The following ADGRA3 variants were observed in gnomAD, a reference collection of about 807,000 sequenced individuals.
The protein encoded by ADGRA3 is adhesion G protein-coupled receptor A3.
In ADGRA3, 56 loss-of-function variants were observed where a neutral mutation model predicts 119.8. That is an observed-to-expected ratio of 0.47 (90% CI 0.38 to 0.58). The LOEUF (loss-of-function observed/expected upper bound fraction) is 0.58. ADGRA3 is among the 20% of genes least tolerant of loss of function. The pLI is 0.00. For synonymous variants in ADGRA3, 607 were observed against 623.8 expected (o/e 0.97, Z 0.40); for missense variants, 1,516 against 1,649.0 (o/e 0.92, Z 1.40).
intron 14 of ADGRA3, among the ~76,000 whole-genome samples, chr4:22,408,422 A>G (rs1373731651): frequency 3.9e-5 from 6 of 152,156 alleles, no homozygotes; most frequent in Admixed American, 3.3e-4. Flanking sequence ...TTCAGTACCC[A>G]TATTAAGAAG....
intron 4 of ADGRA3, 44 bp from the exon 5 acceptor site, chr4:22,447,555 T>C (rs1189861483): frequency 2.7e-6 from 3 of 1,110,298 alleles, no homozygotes; most frequent in Admixed American, 4.4e-5. Flanking sequence ...TACAATTATC[T>C]ATCATTTTAT....
At chr4:22,398,603 A>C (rs1358896119) in intron 16 of ADGRA3, among the ~76,000 whole-genome samples, 1 of 151,832 alleles carries the variant, frequency 6.6e-6, no homozygotes, top group African/African-American at 2.4e-5. Flanking sequence ...ATTTTTTGTT[A>C]AAGTGGGCTG....
chr4:22,413,226 T>C lies in ADGRA3; in HGVS notation c.2188A>G (p.Thr730Ala). Reference protein sequence around the residue: ...CHILYSDENITTIQCYSLSNY... With the variant: ...CHILYSDENIATIQCYSLSNY... ...CTAAGGGAGTAGCACTGAATCGTAGTGATATTTTCATCTGAATAGAGTATA... is the reference window on the plus strand; with the variant it reads ...CTAAGGGAGTAGCACTGAATCGTAGCGATATTTTCATCTGAATAGAGTATA... The change falls in exon 14 of 19, where the codon ACT becomes GCT. Residue 730 changes from threonine to alanine, a missense_variant. By Grantham distance (58) the Thr-to-Ala change is moderately conservative. Around this residue, in one of 2 missense-constraint regions of ADGRA3, gnomAD observed 1,088 missense variants for 1,107.1 expected, o/e 0.98. Coordinates refer to ENST00000334304, the MANE Select transcript of ADGRA3 (RefSeq NM_145290.4). 1.2e-6 allele frequency: 2 copies of C among 1,614,074 alleles called. No homozygotes were observed. Among genetic ancestry groups the C allele is most frequent in the East Asian group, 2.2e-5 (1 of 44,884 alleles).
At chr4:22,396,413 C>G (rs2108999484) in intron 16 of ADGRA3, among the ~76,000 whole-genome samples, 1 of 152,312 alleles carries the variant, frequency 6.6e-6, no homozygotes, top group Admixed American at 6.5e-5. Context: ...AACATGTACA[C>G]ATGAGGGCTC....
intron 1 of ADGRA3, among the ~76,000 whole-genome samples, chr4:22,510,009 CAAAA>C (rs545010218): frequency 3.0e-5 from 3 of 98,910 alleles, no homozygotes; most frequent in East Asian, 3.0e-4. Flanking sequence ...GACTCCGTCT[CAAAA>C]AAAAAAAAAA....
intron 16 of ADGRA3, chr4:22,398,131 G>T (rs1714445280): frequency 9.1e-6 from 9 of 984,908 alleles, no homozygotes; most frequent in Non-Finnish European, 1.1e-5. Context: ...CAGATGTGTA[G>T]TAACAGCCTA....
At chr4:22,455,662 A>G in intron 3 of ADGRA3, 1 of 279,664 alleles carries the variant, frequency 3.6e-6, no homozygotes, top group Non-Finnish European at 6.7e-6. Flanking sequence ...TTTAGTTAAT[A>G]TTTTGTTCTA....
At chr4:22,401,368 G>A in intron 16 of ADGRA3, 63 bp downstream of exon 16, 4 of 1,421,366 alleles carry the variant, frequency 2.8e-6, no homozygotes, top group Non-Finnish European at 3.8e-6. Flanking sequence ...TCTTTTTATA[G>A]TTAATGAAAT....
At chr4:22,393,505 A>G (rs1714223694) in intron 16 of ADGRA3, 1 of 152,182 alleles carries the variant, frequency 6.6e-6, no homozygotes, top group African/African-American at 2.4e-5. Context: ...TTGATGGTTA[A>G]GAGGGTGAAC....
At chr4:22,394,869 T>C (rs562291181) in intron 16 of ADGRA3, 1 of 152,296 alleles carries the variant, frequency 6.6e-6, no homozygotes, top group South Asian at 2.1e-4. Context: ...TATGATGACA[T>C]CTGCTAACAC....
rs1407221276 is a variant in ADGRA3, at chr4:22,436,597, G to A, written c.1130C>T (p.Thr377Met). 13 of 1,613,896 alleles carry A rather than the reference G, an allele frequency of 8.1e-6. No homozygotes were observed. The highest frequency in any genetic ancestry group is 2.7e-5 in the African/African-American group (2 of 74,888). The change falls in exon 9 of 19, where the codon ACG becomes ATG. Residue 377 changes from threonine (T) to methionine (M), a missense_variant. By Grantham distance (81) the Thr-to-Met change is moderately conservative. Coordinates refer to ENST00000334304, the MANE Select transcript of ADGRA3 (RefSeq NM_145290.4). Reference protein sequence around the residue: ...LAGITAYLQCTRNTHGSGIYP... With the variant: ...LAGITAYLQCMRNTHGSGIYP... ...TATCCCACTGCCATGGGTGTTCCGCGTACACTGCAGATATGCAGTAATGCC... is the reference window on the plus strand; with the variant it reads ...TATCCCACTGCCATGGGTGTTCCGCATACACTGCAGATATGCAGTAATGCC...
chr4:22,404,470 G>A (rs544111684), intron 14 of ADGRA3, among the ~76,000 whole-genome samples: 26 of 152,290 alleles, frequency 1.7e-4, no homozygotes, highest in African/African-American at 5.8e-4. Flanking sequence ...GGGAAGCAGA[G>A]ATGAGAACAG....
intron 1 of ADGRA3, among the ~76,000 whole-genome samples, chr4:22,480,019 G>A (rs56235800): frequency 0.19 from 28,152 of 152,086 alleles, 2,859 homozygotes; most frequent in East Asian, 0.26. Flanking sequence ...AGAGGAGGGA[G>A]AGCATTAGGA....
intron 4 of ADGRA3, among the ~76,000 whole-genome samples, chr4:22,450,227 C>G (rs976786551): frequency 6.6e-6 from 1 of 150,998 alleles, no homozygotes; most frequent in East Asian, 1.9e-4. Context: ...TAGAATGGAG[C>G]AGCAGGTAAG....
intron 14 of ADGRA3, among the ~76,000 whole-genome samples, chr4:22,407,239 C>T (rs771680033): frequency 9.9e-5 from 15 of 152,108 alleles, no homozygotes; most frequent in Non-Finnish European, 1.9e-4. Flanking sequence ...CCACTGCCCT[C>T]CAGCCTGGGC....
At chr4:22,501,193 G>A (rs1719037217) in intron 1 of ADGRA3, among the ~76,000 whole-genome samples, 1 of 152,108 alleles carries the variant, frequency 6.6e-6, no homozygotes, top group African/African-American at 2.4e-5. Flanking sequence ...TAGCCTATGG[G>A]TTCTGTTTCT....
At chr4:22,505,203 C>T (rs912514479) in intron 1 of ADGRA3, among the ~76,000 whole-genome samples, 2 of 152,104 alleles carry the variant, frequency 1.3e-5, no homozygotes, top group African/African-American at 2.4e-5. Flanking sequence ...AAGTCTAAGA[C>T]ATTCTAGGTG....
intron 7 of ADGRA3, 102 bp from the exon 8 acceptor site, chr4:22,438,522 T>C (rs1222084967): frequency 2.4e-6 from 2 of 844,518 alleles, no homozygotes; most frequent in Admixed American, 2.7e-5. Context: ...TTTGAATGCA[T>C]ATTGTGGGGT....
intron 12 of ADGRA3, chr4:22,414,370 A>T (rs1015019998): frequency 5.6e-5 from 22 of 395,672 alleles, no homozygotes; most frequent in Admixed American, 4.6e-4. Flanking sequence ...TAGAAAAAAA[A>T]AATAATAACA....
Sources: allele counts gnomAD v4.1 joint callset (sites outside exome capture counted in the v4.1 genomes callset), GRCh38; gene constraint gnomAD v4.1.1; regional missense constraint gnomAD v4.1.1; transcripts MANE v1.5; gene names NCBI Gene and HGNC (gene_info 2026-07-23, HGNC 2026-07-21).